TMEM260: variants seen among roughly 807,000 people sequenced by gnomAD.
TMEM260 encodes the protein transmembrane protein 260.
TMEM260 carries 82 observed loss-of-function variants against 88.9 expected under a neutral mutation model. That is an observed-to-expected ratio of 0.92 (90% CI 0.77 to 1.11). The LOEUF is 1.11. Ranked by LOEUF, TMEM260 falls within the 50% of genes least tolerant of loss-of-function variation. TMEM260 has a pLI of 0.00. For missense variants in TMEM260, 902 were observed against 853.4 expected, an observed-to-expected ratio of 1.06 and a Z score of -0.71; for synonymous variants, 314 against 309.3, an observed-to-expected ratio of 1.02 and a Z score of -0.16.
chr14:56,612,474 C>T (rs1011714322), intron 7 of TMEM260, 189 bp downstream of exon 7: 17 of 589,558 alleles, frequency 2.9e-5, no homozygotes, highest in South Asian at 1.1e-4. Flanking sequence ...GTTACAGGAA[C>T]TCCTAAGGAT....
chr14:56,652,994 A>G (rs987427905), downstream of TMEM260, among the ~76,000 whole-genome samples: 2 of 152,128 alleles, frequency 1.3e-5, no homozygotes, highest in Non-Finnish European at 2.9e-5. Flanking sequence ...ATGAAATAGA[A>G]TTAAAAACAC....
At chr14:56,589,444 A>C (rs1386561703) in intron 3 of TMEM260, among the ~76,000 whole-genome samples, 1 of 152,188 alleles carries the variant, frequency 6.6e-6, no homozygotes, top group Non-Finnish European at 1.5e-5. Context: ...GCTTATTTTA[A>C]AGAAAGTAAT....
chr14:56,655,523 A>G (rs1259756782), downstream of TMEM260, among the ~76,000 whole-genome samples: 4 of 152,170 alleles, frequency 2.6e-5, no homozygotes, highest in Admixed American at 2.6e-4. Flanking sequence ...TGATAAAGAT[A>G]TATAGATTAC....
At position 56,618,750 on chromosome 14, in the gene TMEM260, T is replaced by C; in HGVS notation, c.1213T>C (p.Tyr405His). The C allele has an allele frequency of 1.9e-6, 3 of 1,614,114 alleles. No individual in the cohort carries two copies. Among genetic ancestry groups the C allele is most frequent in the Admixed American group, 1.7e-5 (1 of 60,018 alleles). The change falls in exon 10 of 16, where the codon TAT becomes CAT. Residue 405 changes from tyrosine to histidine, a missense_variant. Coordinates refer to ENST00000261556, the MANE Select transcript of TMEM260 (RefSeq NM_017799.4). ...AACTCTTTTTGTAGTTTACCAAATA[T>C]ATTCTAATTACAGGTAATACATGGT... Reference protein sequence around the residue: ...SATLFVVYQIYSNYSVCDQRT... With the variant: ...SATLFVVYQIHSNYSVCDQRT...
Position 56,618,737 on chromosome 14 carries a change from A to G in TMEM260, c.1200A>G (p.Val400=). The change falls in exon 10 of 16, where the codon GTA becomes GTG. Residue 400 remains valine (V), a synonymous_variant. Coordinates refer to ENST00000261556, the MANE Select transcript of TMEM260 (RefSeq NM_017799.4). ...CLEWLSATLF[V]VYQIYSNYSV... The stretch of plus-strand genomic sequence containing the variant: ...AATGGCTTTCTGCAACTCTTTTTGT[A>G]GTTTACCAAATATATTCTAATTACA... The G allele has an allele frequency of 6.2e-7, 1 of 1,614,180 alleles. No individual in the cohort carries two copies. Among genetic ancestry groups the G allele is most frequent in the Non-Finnish European group, 8.5e-7 (1 of 1,180,030 alleles).
chr14:56,639,383 A>C (rs772824249), intron 15 of TMEM260, among the ~76,000 whole-genome samples: 3 of 152,216 alleles, frequency 2.0e-5, no homozygotes, highest in African/African-American at 4.8e-5. Flanking sequence ...TGTGATTATT[A>C]TGCATGGAGG....
In TMEM260 at chr14:56,603,870, C is replaced by A; in HGVS notation, c.400C>A (p.Arg134Ser). The part of the protein sequence containing the change: ...ILAAGVFSFS[R>S]LTWQWSIAAE... Reference sequence around the variant, plus strand: ...TGCTGCGGGGGTGTTTTCATTTTCTCGTCTAACATGGCAGTGGTCCATTGC... The same window carrying A: ...TGCTGCGGGGGTGTTTTCATTTTCTAGTCTAACATGGCAGTGGTCCATTGC... The change falls in exon 4 of 16, where the codon CGT (arginine) becomes AGT (serine). Residue 134 changes from arginine (R) to serine (S), a missense_variant. Transcript: ENST00000261556. The A allele has an allele frequency of 6.2e-7, 1 of 1,613,866 alleles. No individual in the cohort carries two copies. The highest frequency in any genetic ancestry group is 2.2e-5 in the East Asian group (1 of 44,868).
chr14:56,627,365 A>T (rs919471291), intron 12 of TMEM260, among the ~76,000 whole-genome samples: 1 of 152,200 alleles, frequency 6.6e-6, no homozygotes, highest in African/African-American at 2.4e-5. Context: ...AGGTGAAAGC[A>T]TAAGTGTCCT....
intron 6 of TMEM260, among the ~76,000 whole-genome samples, chr14:56,609,491 G>C (rs1887117392): frequency 6.6e-6 from 1 of 152,130 alleles, no homozygotes; most frequent in Non-Finnish European, 1.5e-5. Flanking sequence ...ACATCATGTA[G>C]TTGTATATCC....
chr14:56,604,055 T>G, intron 4 of TMEM260, 63 bp downstream of exon 4: 1 of 1,478,366 alleles, frequency 6.8e-7, no homozygotes, highest in Non-Finnish European at 9.0e-7. Context: ...ATGTATTTCT[T>G]TTTAACTTTG....
intron 5 of TMEM260, among the ~76,000 whole-genome samples, chr14:56,606,450 T>G (rs1215627276): frequency 6.6e-6 from 1 of 151,748 alleles, no homozygotes; most frequent in Non-Finnish European, 1.5e-5. Flanking sequence ...TAAAACAAAA[T>G]TATTATCTAG....
chr14:56,586,675 A>T (rs79941520), intron 3 of TMEM260, among the ~76,000 whole-genome samples: 2,643 of 152,272 alleles, frequency 0.017, 85 homozygotes, highest in African/African-American at 0.061. Context: ...AAACTTTTGC[A>T]TGTCTTACTA....
At chr14:56,580,485 A>G (rs1885055296) in intron 1 of TMEM260, among the ~76,000 whole-genome samples, 1 of 152,252 alleles carries the variant, frequency 6.6e-6, no homozygotes, top group African/African-American at 2.4e-5. Context: ...TAGACAATAC[A>G]CAAGTTAATG....
Position 56,580,046 on chromosome 14 carries a change from G to C in TMEM260, c.132G>C (p.Leu44=), listed in dbSNP as rs1417758712. 2 of 1,251,604 alleles carry C rather than the reference G, an allele frequency of 1.6e-6. No homozygotes were observed. Among genetic ancestry groups the C allele is most frequent in the Non-Finnish European group, 2.0e-6 (2 of 990,376 alleles). 77.5% of individuals were successfully genotyped at this position (1,251,604 alleles called of 1,614,324 possible). A position where few individuals can be genotyped will look rare whatever the true frequency, so the allele number is the denominator to read the frequency against. ...TGGCCGCAGTGTTCACCTTCACCCT[G>C]CCCCCTTCGGTACCGGGGGGAGACT... The part of the protein sequence containing the change: ...AAVAAVFTFT[L]PPSVPGGDSG... Residue 44 remains leucine (L), a synonymous_variant, in exon 1 of 16, where the codon CTG becomes CTC. Transcript: ENST00000261556.
chr14:56,593,488 A>G (rs908203754), intron 3 of TMEM260, among the ~76,000 whole-genome samples: 2 of 151,998 alleles, frequency 1.3e-5, no homozygotes, highest in South Asian at 4.1e-4. Context: ...CATACTGTAA[A>G]GTATATTTTT....
the TMEM260 span, among the ~76,000 whole-genome samples, chr14:56,656,261 T>A: frequency 6.6e-6 from 1 of 151,934 alleles, no homozygotes; most frequent in Non-Finnish European, 1.5e-5. Context: ...CTACAAAAAA[T>A]TTTTAAAAAT....
chr14:56,585,155 A>T (rs1885410454), intron 2 of TMEM260, 123 bp downstream of exon 2: 2 of 825,538 alleles, frequency 2.4e-6, no homozygotes, highest in Admixed American at 2.8e-5. Flanking sequence ...TTAGTAACTT[A>T]TAAGTACAGT....
intron 10 of TMEM260, among the ~76,000 whole-genome samples, chr14:56,619,074 A>T (rs1363507729): frequency 6.6e-6 from 1 of 152,242 alleles, no homozygotes; most frequent in Admixed American, 6.5e-5. Flanking sequence ...ATGACCTAAA[A>T]TACCACTTAG....
chr14:56,646,264 A>G (rs756651525), intron 15 of TMEM260, among the ~76,000 whole-genome samples: 2 of 152,234 alleles, frequency 1.3e-5, no homozygotes, highest in African/African-American at 2.4e-5. Context: ...CTGGAGTAGG[A>G]ATTGGAAAAA....
Sources: allele counts gnomAD v4.1 joint callset (sites outside exome capture counted in the v4.1 genomes callset), GRCh38; gene constraint gnomAD v4.1.1; transcripts MANE v1.5; gene names NCBI Gene and HGNC (gene_info 2026-07-23, HGNC 2026-07-21).